P3H2: variants seen among roughly 807,000 people sequenced by gnomAD.
P3H2 encodes the protein leprecan-like 1.
In P3H2, 80 loss-of-function variants were observed where a neutral mutation model predicts 87.0. That is an observed-to-expected ratio of 0.92 (90% CI 0.77 to 1.11). The LOEUF (loss-of-function observed/expected upper bound fraction) is 1.11. Among genes scored for constraint, P3H2 ranks in the 50% least tolerant of loss-of-function variants. The pLI is 0.00. For synonymous variants in P3H2, 367 were observed against 359.3 expected, an observed-to-expected ratio of 1.02 and a Z score of -0.24; for missense variants, 1,001 against 923.9, an observed-to-expected ratio of 1.08 and a Z score of -1.08.
At chr3:190,022,890 G>A (rs778190337) in intron 1 of P3H2, among the ~76,000 whole-genome samples, 5 of 151,922 alleles carry the variant, frequency 3.3e-5, no homozygotes, top group South Asian at 2.1e-4. Flanking sequence ...GCAGTGGCGC[G>A]ATCTCGGCTC....
At chr3:189,960,214 A>G (rs369709096) in intron 14 of P3H2, among the ~76,000 whole-genome samples, 43 of 152,070 alleles carry the variant, frequency 2.8e-4, no homozygotes, top group African/African-American at 9.9e-4. Flanking sequence ...AGGCCTCACA[A>G]TTTGCCGCTC....
intron 10 of P3H2, among the ~76,000 whole-genome samples, chr3:189,973,509 TTC>T (rs1254271912): frequency 0.048 from 1,442 of 30,298 alleles, 68 homozygotes; most frequent in African/African-American, 0.094. Flanking sequence ...CTTTCTTTCT[TTC>T]TTTTTTTTTT....
intron 11 of P3H2, 102 bp downstream of exon 11, chr3:189,972,772 G>T: frequency 8.0e-7 from 1 of 1,257,052 alleles, no homozygotes; most frequent in Non-Finnish European, 1.2e-6. Flanking sequence ...TCTAGAATTC[G>T]TCTAAAATAT....
chr3:189,986,284 C>T (rs1205501710), intron 6 of P3H2, among the ~76,000 whole-genome samples: 1 of 152,170 alleles, frequency 6.6e-6, no homozygotes, highest in Non-Finnish European at 1.5e-5. Flanking sequence ...ATCCATTAGT[C>T]TTTTAAAGTT....
chr3:190,026,408 T>C (rs1165511558), intron 1 of P3H2, among the ~76,000 whole-genome samples: 1 of 152,132 alleles, frequency 6.6e-6, no homozygotes, highest in Non-Finnish European at 1.5e-5. Flanking sequence ...CAGACCTTGC[T>C]GACAAAACAG....
chr3:190,071,461 A>C (rs1726694097), intron 1 of P3H2, among the ~76,000 whole-genome samples: 2 of 152,238 alleles, frequency 1.3e-5, no homozygotes, highest in South Asian at 2.1e-4. Context: ...AACATTAATC[A>C]CTAAGCAAAT....
chr3:189,997,955 C>T (rs7637103), intron 1 of P3H2, among the ~76,000 whole-genome samples: 45,762 of 152,002 alleles, frequency 0.3, 7,269 homozygotes, highest in East Asian at 0.49. Flanking sequence ...AACACTGGTG[C>T]TTTAATTTTC....
At chr3:190,048,714 G>C (rs114686188) in intron 1 of P3H2, among the ~76,000 whole-genome samples, 2,230 of 152,198 alleles carry the variant, frequency 0.015, 38 homozygotes, top group African/African-American at 0.049. Flanking sequence ...CTTTTCGGTG[G>C]ACTATAGGGA....
chr3:190,099,235 G>A (rs545255461), intron 1 of P3H2, among the ~76,000 whole-genome samples: 6 of 152,188 alleles, frequency 3.9e-5, no homozygotes, highest in Admixed American at 3.9e-4. Flanking sequence ...AATTATGCGT[G>A]GAACGAAGAA....
chr3:189,996,654 G>T (rs1417880431), intron 1 of P3H2, among the ~76,000 whole-genome samples: 2 of 152,130 alleles, frequency 1.3e-5, no homozygotes, highest in Admixed American at 6.5e-5. Flanking sequence ...TTAGGCAACA[G>T]ATTTGCTGAT....
intron 1 of P3H2, among the ~76,000 whole-genome samples, chr3:190,063,606 A>G (rs1726403867): frequency 6.6e-6 from 1 of 152,186 alleles, no homozygotes; most frequent in Non-Finnish European, 1.5e-5. Flanking sequence ...AGAGATTCAG[A>G]TAACAGTGCT....
chr3:190,089,349 G>A (rs756178410), intron 1 of P3H2, among the ~76,000 whole-genome samples: 6 of 152,122 alleles, frequency 3.9e-5, no homozygotes, highest in Admixed American at 1.3e-4. Context: ...GCACATGTAC[G>A]CTACAACTTA....
intron 1 of P3H2, among the ~76,000 whole-genome samples, chr3:190,051,689 A>G (rs1725988672): frequency 6.6e-6 from 1 of 152,242 alleles, no homozygotes; most frequent in African/African-American, 2.4e-5. Flanking sequence ...ATTTTTAAGA[A>G]CAAACATTAC....
intron 1 of P3H2, among the ~76,000 whole-genome samples, chr3:190,034,918 G>A (rs1410874056): frequency 4.1e-5 from 6 of 145,048 alleles, no homozygotes; most frequent in African/African-American, 7.7e-5. Flanking sequence ...GTGTGATCTC[G>A]GCTCACTGCA....
chr3:190,042,634 A>G (rs1057024450), intron 1 of P3H2, among the ~76,000 whole-genome samples: 2 of 152,226 alleles, frequency 1.3e-5, no homozygotes, highest in African/African-American at 4.8e-5. Context: ...ATAAAAGTAC[A>G]GTATGTTCTA....
intron 1 of P3H2, among the ~76,000 whole-genome samples, chr3:190,102,857 T>G (rs1029501793): frequency 3.3e-5 from 5 of 152,188 alleles, no homozygotes; most frequent in Non-Finnish European, 5.9e-5. Context: ...TTTTTTTGTT[T>G]TCGTTTTTGT....
At chr3:190,098,360 T>C (rs1311688739) in intron 1 of P3H2, among the ~76,000 whole-genome samples, 1 of 152,106 alleles carries the variant, frequency 6.6e-6, no homozygotes, top group Non-Finnish European at 1.5e-5. Flanking sequence ...CAAATGACAA[T>C]AGGTTAATCT....
intron 1 of P3H2, among the ~76,000 whole-genome samples, chr3:190,069,099 C>T (rs1413631958): frequency 1.3e-5 from 2 of 152,134 alleles, no homozygotes; most frequent in Non-Finnish European, 2.9e-5. Flanking sequence ...AGAGCCTCAC[C>T]TATCTGTGCC....
chr3:189,963,099 T>C (rs1322054605), intron 14 of P3H2, among the ~76,000 whole-genome samples: 1 of 152,178 alleles, frequency 6.6e-6, no homozygotes, highest in Non-Finnish European at 1.5e-5. Context: ...AGTTATTCCT[T>C]GTGTGGAGCC....
Sources: gnomAD v4.1 joint callset for allele counts (sites outside exome capture counted in the v4.1 genomes callset) on GRCh38, gnomAD v4.1.1 for gene constraint, MANE v1.5 for transcripts, NCBI Gene and HGNC (gene_info 2026-07-23, HGNC 2026-07-21) for gene names.